The following MYO3A variants were observed in gnomAD, a reference collection of about 807,000 sequenced individuals.
The protein encoded by MYO3A is myosin-IIIa.
In MYO3A, 180 loss-of-function variants were observed where a neutral mutation model predicts 192.7. The ratio of observed to expected loss-of-function variants is 0.93; its 90% confidence interval spans 0.83 to 1.06. The LOEUF (loss-of-function observed/expected upper bound fraction) is 1.06, where lower values mean the gene tolerates loss of function less well. Ranked by LOEUF, MYO3A falls within the 50% of genes least tolerant of loss-of-function variation. The pLI, the probability that MYO3A is intolerant of heterozygous loss-of-function variation, is 0.00. For missense variants in MYO3A, 1,896 were observed against 1,905.0 expected, an observed-to-expected ratio of 1.00 and a Z score of 0.09; for synonymous variants, 628 against 645.3, an observed-to-expected ratio of 0.97 and a Z score of 0.41.
At chr10:26,054,444 G>A (rs1422186187) in intron 10 of MYO3A, among the ~76,000 whole-genome samples, 1 of 152,136 alleles carries the variant, frequency 6.6e-6, no homozygotes, top group Non-Finnish European at 1.5e-5. Flanking sequence ...GGTTTTCTTA[G>A]CTTCCTGCCA....
At chr10:26,134,473 AC>A (rs1252629981) in intron 20 of MYO3A, among the ~76,000 whole-genome samples, 1 of 125,450 alleles carries the variant, frequency 8.0e-6, no homozygotes. Context: ...AAGTATTATC[AC>A]TGTTTTTTAG....
chr10:26,063,020 C>T (rs1228873071), intron 10 of MYO3A, among the ~76,000 whole-genome samples: 6 of 152,226 alleles, frequency 3.9e-5, no homozygotes, highest in South Asian at 2.1e-4. Context: ...CATTTTTGGA[C>T]GACTGCTATC....
chr10:25,948,803 A>G (rs1239136037), intron 2 of MYO3A, among the ~76,000 whole-genome samples: 1 of 152,142 alleles, frequency 6.6e-6, no homozygotes, highest in Admixed American at 6.5e-5. Context: ...AAATGGCTTC[A>G]TTTTACCTAT....
intron 17 of MYO3A, among the ~76,000 whole-genome samples, chr10:26,102,489 A>G (rs1837520891): frequency 6.6e-6 from 1 of 152,112 alleles, no homozygotes; most frequent in Non-Finnish European, 1.5e-5. Flanking sequence ...TGATTTTTAG[A>G]ATTTTCAGCT....
At chr10:26,201,449 G>T (rs1283199603) in intron 33 of MYO3A, 144 bp downstream of exon 33, 1 of 444,024 alleles carries the variant, frequency 2.3e-6, no homozygotes, top group South Asian at 2.9e-5. Flanking sequence ...GGGAGGCCGA[G>T]GCGGGTGGAT....
At chr10:25,977,332 T>A (rs1285201147) in intron 4 of MYO3A, among the ~76,000 whole-genome samples, 1 of 152,152 alleles carries the variant, frequency 6.6e-6, no homozygotes, top group Non-Finnish European at 1.5e-5. Context: ...AAACCACTGA[T>A]CCTACTTTGG....
chr10:26,021,749 CA>C, intron 8 of MYO3A, 101 bp downstream of exon 8: 1 of 1,497,448 alleles, frequency 6.7e-7, no homozygotes, highest in Non-Finnish European at 9.3e-7. Flanking sequence ...AGATATATTC[CA>C]ACAAGTTGGG....
intron 17 of MYO3A, among the ~76,000 whole-genome samples, chr10:26,098,177 G>A (rs1422585210): frequency 6.6e-6 from 1 of 152,172 alleles, no homozygotes; most frequent in Non-Finnish European, 1.5e-5. Flanking sequence ...GTGATGATGA[G>A]CATTTTTTCT....
At chr10:26,092,467 A>G (rs975378277) in intron 15 of MYO3A, among the ~76,000 whole-genome samples, 5 of 151,772 alleles carry the variant, frequency 3.3e-5, no homozygotes, top group African/African-American at 9.7e-5. Flanking sequence ...CTCTGTCTCA[A>G]AAAAAAAAGA....
At chr10:26,108,251 A>T (rs926120516) in intron 17 of MYO3A, among the ~76,000 whole-genome samples, 3 of 152,096 alleles carry the variant, frequency 2.0e-5, no homozygotes, top group Non-Finnish European at 2.9e-5. Flanking sequence ...TTTTAGATGA[A>T]CTCTTTCCGC....
chr10:26,066,136 A>AG (rs1834826061), intron 10 of MYO3A, among the ~76,000 whole-genome samples: 1 of 150,548 alleles, frequency 6.6e-6, no homozygotes. Context: ...AAAAAAAAAA[A>AG]AAAAAAAAGA....
intron 2 of MYO3A, among the ~76,000 whole-genome samples, chr10:25,937,106 T>G (rs948598969): frequency 6.6e-6 from 1 of 152,144 alleles, no homozygotes; most frequent in Admixed American, 6.5e-5. Context: ...TTACCGGTAT[T>G]TTCAAATTAG....
intron 2 of MYO3A, among the ~76,000 whole-genome samples, chr10:25,950,857 A>G (rs1837165905): frequency 6.6e-6 from 1 of 152,136 alleles, no homozygotes; most frequent in African/African-American, 2.4e-5. Context: ...ATATTAATTT[A>G]TATTGAAAAG....
intron 17 of MYO3A, among the ~76,000 whole-genome samples, chr10:26,107,874 TTGTC>T (rs2131623124): frequency 6.6e-6 from 1 of 152,306 alleles, no homozygotes; most frequent in East Asian, 1.9e-4. Context: ...AATGTTTTCA[TTGTC>T]TGTATTATTG....
intron 23 of MYO3A, among the ~76,000 whole-genome samples, chr10:26,152,915 A>C (rs570286132): frequency 6.6e-6 from 1 of 152,332 alleles, no homozygotes; most frequent in South Asian, 2.1e-4. Flanking sequence ...TCCTTCCTGC[A>C]CCATCTTAGG....
Position 26,198,857 on chromosome 10 carries a change from G to T in MYO3A, c.4546-2408G>T, listed in dbSNP as rs112919879. On this transcript the variant is annotated intron_variant, in intron 32 of 34. Coordinates refer to ENST00000642920, the MANE Select transcript of MYO3A (RefSeq NM_017433.5). ...CTCTACTCTGGTTCTACAGGAAATT[G>T]CCATGGGACATTTGCTTCTTTATTT... 2.0e-3 allele frequency among the ~76,000 whole-genome samples: 301 copies of T among 152,212 alleles called. 1 individual carries two copies. The highest frequency in any genetic ancestry group is 7.0e-3 in the African/African-American group (289 of 41,516).
At chr10:26,125,632 T>A in intron 19 of MYO3A, 24 bp downstream of exon 19, 1 of 1,596,078 alleles carries the variant, frequency 6.3e-7, no homozygotes, top group African/African-American at 1.3e-5. Context: ...CAGAAACATT[T>A]TTTTCCCAAA....
intron 23 of MYO3A, among the ~76,000 whole-genome samples, chr10:26,149,489 C>T (rs888089227): frequency 6.6e-6 from 1 of 152,186 alleles, no homozygotes; most frequent in African/African-American, 2.4e-5. Context: ...CCCGCCTCGG[C>T]CTCCCAAGGT....
intron 6 of MYO3A, among the ~76,000 whole-genome samples, chr10:26,010,770 C>T (rs1841597959): frequency 6.6e-6 from 1 of 152,102 alleles, no homozygotes; most frequent in African/African-American, 2.4e-5. Context: ...CCAAGATTCA[C>T]TAAGTAGTTT....
Sources: gnomAD v4.1 joint callset for allele counts (sites outside exome capture counted in the v4.1 genomes callset) on GRCh38, gnomAD v4.1.1 for gene constraint, MANE v1.5 for transcripts, NCBI Gene and HGNC (gene_info 2026-07-23, HGNC 2026-07-21) for gene names.